GMDS: variants seen among roughly 807,000 people sequenced by gnomAD.
GMDS encodes the protein GDP-mannose 4,6-dehydratase, also known as GDP-mannose 4,6 dehydratase.
GMDS carries 20 observed loss-of-function variants against 49.9 expected under a neutral mutation model. That is an observed-to-expected ratio of 0.40 (90% CI 0.28 to 0.58). The LOEUF (loss-of-function observed/expected upper bound fraction) is 0.58, where lower values mean the gene tolerates loss of function less well. Among genes scored for constraint, GMDS ranks in the 20% least tolerant of loss-of-function variants. The pLI, the probability that GMDS is intolerant of heterozygous loss-of-function variation, is 0.42. For missense variants in GMDS, 362 were observed against 481.4 expected, an observed-to-expected ratio of 0.75 and a Z score of 2.32; for synonymous variants, 177 against 178.6, an observed-to-expected ratio of 0.99 and a Z score of 0.07.
At chr6:2,077,643 T>C (rs1313335130) in intron 4 of GMDS, among the ~76,000 whole-genome samples, 2 of 152,150 alleles carry the variant, frequency 1.3e-5, no homozygotes, top group African/African-American at 2.4e-5. Context: ...CACTTGATTG[T>C]GGTGTATTAT....
At chr6:2,060,748 G>A (rs1026234169) in intron 4 of GMDS, among the ~76,000 whole-genome samples, 9 of 152,152 alleles carry the variant, frequency 5.9e-5, no homozygotes, top group Non-Finnish European at 2.9e-5. Flanking sequence ...GAAAGAAGGG[G>A]GCCGGGCGCG....
At chr6:1,922,958 G>A (rs565247237) in intron 7 of GMDS, among the ~76,000 whole-genome samples, 10 of 152,270 alleles carry the variant, frequency 6.6e-5, no homozygotes, top group African/African-American at 1.4e-4. Flanking sequence ...TCATGGGGGC[G>A]GTTCCCCCAT....
At chr6:1,933,332 C>T (rs994901560) in intron 6 of GMDS, among the ~76,000 whole-genome samples, 1 of 152,184 alleles carries the variant, frequency 6.6e-6, no homozygotes, top group African/African-American at 2.4e-5. Flanking sequence ...AATAATGCTA[C>T]CATGAGCGTT....
intron 1 of GMDS, 44 bp downstream of exon 1, chr6:2,245,277 T>G (rs779020487): frequency 3.9e-6 from 5 of 1,294,892 alleles, no homozygotes; most frequent in Admixed American, 4.0e-5. Context: ...AGAGCACGCG[T>G]GCCCAGGCTG....
intron 8 of GMDS, among the ~76,000 whole-genome samples, chr6:1,739,077 G>A (rs969666121): frequency 2.0e-5 from 3 of 152,234 alleles, no homozygotes; most frequent in Non-Finnish European, 4.4e-5. Flanking sequence ...AACCTGGGAA[G>A]GAGACGATGC....
intron 7 of GMDS, among the ~76,000 whole-genome samples, chr6:1,816,392 T>A (rs186813924): frequency 6.6e-6 from 1 of 152,328 alleles, no homozygotes; most frequent in Admixed American, 6.5e-5. Context: ...GACTGATTTA[T>A]GACTGGATTC....
intron 9 of GMDS, among the ~76,000 whole-genome samples, chr6:1,724,982 G>T (rs1561758923): frequency 1.3e-5 from 2 of 152,174 alleles, no homozygotes; most frequent in African/African-American, 4.8e-5. Context: ...ATGAAATACA[G>T]TTTTTTCCTT....
At chr6:1,977,880 G>T (rs1354201916) in intron 4 of GMDS, among the ~76,000 whole-genome samples, 2 of 152,168 alleles carry the variant, frequency 1.3e-5, no homozygotes, top group African/African-American at 4.8e-5. Flanking sequence ...ACATACTCCA[G>T]CCCCAGGATA....
chr6:1,851,395 T>C (rs73417926), intron 7 of GMDS, among the ~76,000 whole-genome samples: 2,876 of 152,310 alleles, frequency 0.019, 81 homozygotes, highest in African/African-American at 0.066. Context: ...CATTTCAACA[T>C]TAAAATATTT....
chr6:2,133,847 A>G (rs1189340499), intron 1 of GMDS, among the ~76,000 whole-genome samples: 1 of 152,136 alleles, frequency 6.6e-6, no homozygotes, highest in Non-Finnish European at 1.5e-5. Context: ...ATTTTGTAAA[A>G]ACAACTTTAA....
intron 7 of GMDS, among the ~76,000 whole-genome samples, chr6:1,914,836 A>G (rs1224977146): frequency 2.6e-5 from 4 of 152,224 alleles, no homozygotes; most frequent in Non-Finnish European, 5.9e-5. Flanking sequence ...GAAGCACAGC[A>G]GTGTGGTCAT....
chr6:1,862,436 T>C lies in GMDS; in HGVS notation c.771+67667A>G, dbSNP rs115060620. ...GAAATGTATTAGCAACACACACCAC[T>C]GCTTTACTCAATGCTAGGTGCAGCT... On this transcript the variant is annotated intron_variant, in intron 7 of 10. Coordinates refer to ENST00000380815, the MANE Select transcript of GMDS (RefSeq NM_001500.4). Among the ~76,000 whole-genome samples, 906 of 152,356 alleles carry C rather than the reference T, an allele frequency of 5.9e-3. 9 individuals carry two copies. Among genetic ancestry groups the C allele is most frequent in the African/African-American group, 0.02 (852 of 41,578 alleles).
At chr6:2,106,845 A>G (rs1774269100) in intron 4 of GMDS, among the ~76,000 whole-genome samples, 2 of 150,626 alleles carry the variant, frequency 1.3e-5, no homozygotes, top group South Asian at 4.2e-4. Flanking sequence ...CCTGGGCGAC[A>G]GAGCGAGACT....
intron 7 of GMDS, among the ~76,000 whole-genome samples, chr6:1,815,343 T>G (rs1303418273): frequency 6.6e-6 from 1 of 152,232 alleles, no homozygotes; most frequent in Non-Finnish European, 1.5e-5. Flanking sequence ...TCACAAAGTA[T>G]TATATAACTT....
chr6:1,986,594 A>G (rs1481771370), intron 4 of GMDS, among the ~76,000 whole-genome samples: 2 of 152,210 alleles, frequency 1.3e-5, no homozygotes, highest in Non-Finnish European at 2.9e-5. Flanking sequence ...TTCTCTGTGA[A>G]GGCAGACTTT....
At position 2,071,255 on chromosome 6, in the gene GMDS, T is replaced by C. The variant is rs142080893; in HGVS notation, c.345+44516A>G. ...AAACCCAAATCAGAAATTTTTAAGA[T>C]AAAGTGCACAGGGCATTTCAGCTGT... On this transcript the variant is annotated intron_variant, in intron 4 of 10. Coordinates refer to ENST00000380815, the MANE Select transcript of GMDS (RefSeq NM_001500.4). 4.8e-3 allele frequency among the ~76,000 whole-genome samples: 735 copies of C among 152,324 alleles called. 9 individuals are homozygous for C. Among genetic ancestry groups the C allele is most frequent in the African/African-American group, 0.017 (697 of 41,570 alleles).
chr6:1,735,449 A>T (rs1766968411), intron 8 of GMDS, among the ~76,000 whole-genome samples: 1 of 152,232 alleles, frequency 6.6e-6, no homozygotes, highest in Non-Finnish European at 1.5e-5. Context: ...CACCTAGCAC[A>T]GACTAGGTGG....
rs544265895 is a variant in GMDS at position 1,951,823 on chromosome 6, C to T, written c.643+8044G>A. 2 of 740,298 alleles carry T rather than the reference C, an allele frequency of 2.7e-6. 1 individual carries two copies. The highest frequency in any genetic ancestry group is 2.6e-4 in the East Asian group (2 of 7,676). The allele number at this position is 740,298 out of a possible 1,614,324, so 45.9% of individuals were successfully genotyped here. A position where few individuals can be genotyped will look rare whatever the true frequency, so the allele number is the denominator to read the frequency against. Reference sequence around the variant, plus strand: ...AAAACTATGTTTATTGTAATTATTTCTGTCAAACATCTTAAAGGAATATTG... The same window carrying T: ...AAAACTATGTTTATTGTAATTATTTTTGTCAAACATCTTAAAGGAATATTG... On this transcript the variant is annotated intron_variant, in intron 6 of 10. Coordinates refer to ENST00000380815, the MANE Select transcript of GMDS (RefSeq NM_001500.4).
chr6:1,686,923 A>T (rs866688776), intron 9 of GMDS, among the ~76,000 whole-genome samples: 2 of 152,360 alleles, frequency 1.3e-5, no homozygotes, highest in Middle Eastern at 3.4e-3. Context: ...GATTAAATTT[A>T]ATTTTTATAG....
Sources: allele counts gnomAD v4.1 joint callset (sites outside exome capture counted in the v4.1 genomes callset), GRCh38; gene constraint gnomAD v4.1.1; transcripts MANE v1.5; gene names NCBI Gene and HGNC (gene_info 2026-07-23, HGNC 2026-07-21).